Variants in RAB11FIP4 observed in about 807,000 individuals in gnomAD.
RAB11FIP4 encodes rab11 family-interacting protein 4.
RAB11FIP4 carries 23 observed loss-of-function variants against 74.3 expected under a neutral mutation model. That is an observed-to-expected ratio of 0.31 (90% confidence interval 0.22 to 0.44). RAB11FIP4 has a LOEUF of 0.44. RAB11FIP4 is among the 20% of genes least tolerant of loss of function. RAB11FIP4 has a pLI of 1.00. For synonymous variants in RAB11FIP4, 360 were observed against 359.9 expected, an observed-to-expected ratio of 1.00 and a Z score of 0.00; for missense variants, 630 against 863.9, an observed-to-expected ratio of 0.73 and a Z score of 3.39.
intron 1 of RAB11FIP4, among the ~76,000 whole-genome samples, chr17:31,416,808 G>A (rs990284678): frequency 1.3e-5 from 2 of 152,142 alleles, no homozygotes; most frequent in African/African-American, 4.8e-5. Flanking sequence ...TGGCGGTTTG[G>A]CTACTTCACA....
intron 3 of RAB11FIP4, among the ~76,000 whole-genome samples, chr17:31,487,460 C>CT (rs543487006): frequency 0.2 from 29,374 of 146,506 alleles, 2,877 homozygotes; most frequent in South Asian, 0.32. Context: ...GGGTCCTCTC[C>CT]TTTTTTTTTT....
At chr17:31,397,977 C>G (rs2070946446) in intron 1 of RAB11FIP4, among the ~76,000 whole-genome samples, 1 of 152,000 alleles carries the variant, frequency 6.6e-6, no homozygotes, top group African/African-American at 2.4e-5. Context: ...TGGGCTCAAA[C>G]CGTCCTCCTG....
At chr17:31,496,442 T>A (rs2072117504) in intron 3 of RAB11FIP4, among the ~76,000 whole-genome samples, 1 of 152,064 alleles carries the variant, frequency 6.6e-6, no homozygotes, top group Non-Finnish European at 1.5e-5. Context: ...GGGCTGGGAG[T>A]GGGTCACTGG....
At chr17:31,428,586 CAT>C (rs1191198803) in intron 1 of RAB11FIP4, among the ~76,000 whole-genome samples, 1 of 151,998 alleles carries the variant, frequency 6.6e-6, no homozygotes, top group Non-Finnish European at 1.5e-5. Context: ...AGCGTGTACA[CAT>C]GTGTATGCAC....
chr17:31,516,551 G>C (rs1049754503), intron 3 of RAB11FIP4, among the ~76,000 whole-genome samples: 1 of 152,234 alleles, frequency 6.6e-6, no homozygotes, highest in Non-Finnish European at 1.5e-5. Flanking sequence ...CTCACCGCAA[G>C]CTCCGCCTCC....
At chr17:31,422,014 T>A (rs1248602804) in intron 1 of RAB11FIP4, among the ~76,000 whole-genome samples, 1 of 152,026 alleles carries the variant, frequency 6.6e-6, no homozygotes, top group Non-Finnish European at 1.5e-5. Flanking sequence ...ACCCCCCGTC[T>A]CTACAAGAAA....
intron 1 of RAB11FIP4, among the ~76,000 whole-genome samples, chr17:31,398,133 G>T (rs182856026): frequency 1.3e-5 from 2 of 152,082 alleles, no homozygotes; most frequent in African/African-American, 4.8e-5. Flanking sequence ...CCAACTCCGG[G>T]GTTCAAGCGA....
At chr17:31,511,562 G>T (rs554078974) in intron 3 of RAB11FIP4, among the ~76,000 whole-genome samples, 1 of 152,194 alleles carries the variant, frequency 6.6e-6, no homozygotes, top group Non-Finnish European at 1.5e-5. Context: ...AATCCCCATA[G>T]CTACCCACTT....
intron 3 of RAB11FIP4, among the ~76,000 whole-genome samples, chr17:31,484,531 C>CA (rs2071882700): frequency 6.6e-6 from 1 of 152,140 alleles, no homozygotes; most frequent in Non-Finnish European, 1.5e-5. Flanking sequence ...CCCGTTTGAA[C>CA]CAAGGACACT....
intron 3 of RAB11FIP4, among the ~76,000 whole-genome samples, chr17:31,477,554 G>A (rs2071806167): frequency 6.6e-6 from 1 of 152,272 alleles, no homozygotes; most frequent in Non-Finnish European, 1.5e-5. Flanking sequence ...TGGACAGGCA[G>A]CCGGCAGGTC....
chr17:31,401,836 G>A (rs1319511660), intron 1 of RAB11FIP4, among the ~76,000 whole-genome samples: 2 of 152,152 alleles, frequency 1.3e-5, no homozygotes, highest in Admixed American at 1.3e-4. Flanking sequence ...AGACAGGGAC[G>A]CGCTGCCTCC....
intron 3 of RAB11FIP4, among the ~76,000 whole-genome samples, chr17:31,453,105 C>A (rs1261021361): frequency 6.6e-6 from 1 of 152,120 alleles, no homozygotes; most frequent in Non-Finnish European, 1.5e-5. Flanking sequence ...AATTCCAACA[C>A]TTTGGGAGGC....
At chr17:31,452,313 T>C (rs1014934121) in intron 3 of RAB11FIP4, among the ~76,000 whole-genome samples, 1 of 152,150 alleles carries the variant, frequency 6.6e-6, no homozygotes, top group African/African-American at 2.4e-5. Flanking sequence ...ATGTGGAATG[T>C]TGACTCTTTG....
At chr17:31,524,073 A>G (rs990008965) in intron 9 of RAB11FIP4, 77 bp downstream of exon 9, 6 of 1,017,226 alleles carry the variant, frequency 5.9e-6, no homozygotes, top group Non-Finnish European at 9.0e-6. Context: ...TAAGACCTCC[A>G]GGAGGAGGCA....
intron 3 of RAB11FIP4, among the ~76,000 whole-genome samples, chr17:31,488,862 C>G (rs1216675006): frequency 6.6e-6 from 1 of 152,170 alleles, no homozygotes; most frequent in African/African-American, 2.4e-5. Flanking sequence ...GTTGGCACAG[C>G]CGCTTCTCTG....
At chr17:31,439,569 T>C (rs1056868036) in intron 3 of RAB11FIP4, among the ~76,000 whole-genome samples, 22 of 152,252 alleles carry the variant, frequency 1.4e-4, no homozygotes, top group African/African-American at 5.3e-4. Flanking sequence ...TGGTTGTTTG[T>C]CTTTTCCTTA....
intron 14 of RAB11FIP4, among the ~76,000 whole-genome samples, chr17:31,531,397 G>T (rs957175367): frequency 6.6e-6 from 1 of 152,172 alleles, no homozygotes. Context: ...ATCTCTGGGG[G>T]TGGGGCCTGG....
chr17:31,444,392 C>G (rs1023114584), intron 3 of RAB11FIP4, among the ~76,000 whole-genome samples: 2 of 151,904 alleles, frequency 1.3e-5, no homozygotes, highest in Non-Finnish European at 2.9e-5. Context: ...CTACTTATCC[C>G]AAGCCTCAGA....
intron 3 of RAB11FIP4, among the ~76,000 whole-genome samples, chr17:31,466,154 A>G (rs2071684681): frequency 6.6e-6 from 1 of 152,068 alleles, no homozygotes; most frequent in African/African-American, 2.4e-5. Context: ...AGAAAATAAA[A>G]AAAGAATCCC....
Sources: allele counts gnomAD v4.1 joint callset (sites outside exome capture counted in the v4.1 genomes callset), GRCh38; gene constraint gnomAD v4.1.1; transcripts MANE v1.5; gene names NCBI Gene and HGNC (gene_info 2026-07-23, HGNC 2026-07-21).